The following TBXAS1 variants were observed in gnomAD, a reference collection of about 807,000 sequenced individuals.
TBXAS1 encodes thromboxane-A synthase.
TBXAS1 carries 48 observed loss-of-function variants against 60.7 expected under a neutral mutation model. That is an observed-to-expected ratio of 0.79 (90% CI 0.63 to 1.01). The LOEUF (loss-of-function observed/expected upper bound fraction) is 1.01. Ranked by LOEUF, TBXAS1 falls within the 50% of genes least tolerant of loss-of-function variation. TBXAS1 has a pLI of 0.00. For synonymous variants in TBXAS1, 287 were observed against 269.7 expected (o/e 1.06, Z -0.63); for missense variants, 685 against 686.3 (o/e 1.00, Z 0.02).
chr7:139,958,667 C>G (rs1584953533), intron 8 of TBXAS1, among the ~76,000 whole-genome samples: 1 of 152,340 alleles, frequency 6.6e-6, no homozygotes, highest in East Asian at 1.9e-4. Flanking sequence ...TGGCTTGATA[C>G]ACCGAGCGGC....
intron 9 of TBXAS1, among the ~76,000 whole-genome samples, chr7:139,973,928 G>A (rs761634200): frequency 6.6e-6 from 1 of 152,156 alleles, no homozygotes; most frequent in Non-Finnish European, 1.5e-5. Context: ...GGCCAGAGCT[G>A]TAGGGAGCAT....
chr7:139,896,729 TG>T lies in TBXAS1; in HGVS notation c.237-14495del, dbSNP rs1471872952. On this transcript the variant is annotated intron_variant, in intron 3 of 12. Coordinates refer to ENST00000448866, the MANE Select transcript of TBXAS1 (RefSeq NM_001061.7). The surrounding 1 kb of genome is among the most constrained non-coding windows in gnomAD (Gnocchi z 4.0). ...CTGGGGAGCGCTACGAAGACATTAC[TG>T]AGTCACTAAGGGCACCGTGAACTGA... Among the ~76,000 whole-genome samples, 16 of 152,318 alleles carry T rather than the reference TG, an allele frequency of 1.1e-4. No individual in the cohort carries two copies. The highest frequency in any genetic ancestry group is 1.0e-4 in the Non-Finnish European group (7 of 68,022).
At chr7:139,934,025 TC>T (rs1807546216) in intron 4 of TBXAS1, among the ~76,000 whole-genome samples, 1 of 152,160 alleles carries the variant, frequency 6.6e-6, no homozygotes, top group Non-Finnish European at 1.5e-5. Context: ...CCCACCGATG[TC>T]CCACCTTGCC....
chr7:139,924,096 A>G (rs1380301111), intron 4 of TBXAS1, among the ~76,000 whole-genome samples: 2 of 152,246 alleles, frequency 1.3e-5, no homozygotes, highest in African/African-American at 2.4e-5. Flanking sequence ...TAGTGCTGCA[A>G]TAAACATGGG....
intron 3 of TBXAS1, among the ~76,000 whole-genome samples, chr7:139,910,564 G>A (rs1805440477): frequency 6.6e-6 from 1 of 152,204 alleles, no homozygotes; most frequent in Admixed American, 6.5e-5. Flanking sequence ...TTGAACCCGG[G>A]AGGGGGAGGT....
At chr7:139,864,944 G>A (rs1362035359) in intron 1 of TBXAS1, among the ~76,000 whole-genome samples, 3 of 152,124 alleles carry the variant, frequency 2.0e-5, no homozygotes, top group East Asian at 1.9e-4. Context: ...TGGAAAGGAG[G>A]TACTCTAGGA....
chr7:139,931,481 G>A (rs1807324675), intron 4 of TBXAS1, among the ~76,000 whole-genome samples: 1 of 152,162 alleles, frequency 6.6e-6, no homozygotes, highest in South Asian at 2.1e-4. Context: ...AGACATACCT[G>A]AGACTGGCAA....
chr7:139,839,831 C>T (rs1021290384), intron 1 of TBXAS1, among the ~76,000 whole-genome samples: 2 of 151,516 alleles, frequency 1.3e-5, no homozygotes, highest in African/African-American at 4.9e-5. Context: ...ACTCGCACTC[C>T]AGCCTGGGTG....
chr7:140,019,984 T>TA, intron 12 of TBXAS1, 41 bp from the exon 13 acceptor site: 1 of 1,584,240 alleles, frequency 6.3e-7, no homozygotes, highest in East Asian at 2.2e-5. Flanking sequence ...AGTGAGATGC[T>TA]ACTATCTCTT....
intron 3 of TBXAS1, among the ~76,000 whole-genome samples, chr7:139,879,009 G>A (rs1802475379): frequency 6.6e-6 from 1 of 152,116 alleles, no homozygotes; most frequent in South Asian, 2.1e-4. Context: ...AACTATGATG[G>A]CAATGTATAT....
chr7:139,968,585 G>A (rs144461234), intron 9 of TBXAS1, among the ~76,000 whole-genome samples: 4,005 of 152,258 alleles, frequency 0.026, 80 homozygotes, highest in Middle Eastern at 0.041. Flanking sequence ...GTGAGCCACC[G>A]CGCCCGGCTT....
intron 1 of TBXAS1, among the ~76,000 whole-genome samples, chr7:139,831,337 T>C (rs902295042): frequency 3.9e-5 from 6 of 152,142 alleles, no homozygotes; most frequent in Non-Finnish European, 8.8e-5. Context: ...CCTTGGGCTT[T>C]CAACCCTTCT....
At chr7:139,956,733 T>G (rs1809896609) in intron 7 of TBXAS1, among the ~76,000 whole-genome samples, 1 of 152,250 alleles carries the variant, frequency 6.6e-6, no homozygotes, top group Non-Finnish European at 1.5e-5. Context: ...CCACCGATCT[T>G]GGAGGCAGCG....
chr7:139,799,340 C>T (rs1797656272), intron 4 of TBXAS1, among the ~76,000 whole-genome samples: 1 of 151,990 alleles, frequency 6.6e-6, no homozygotes, highest in Admixed American at 6.6e-5. Context: ...AGCAATTCTC[C>T]TGCCTCAGCC....
intron 5 of TBXAS1, among the ~76,000 whole-genome samples, chr7:139,939,877 A>G (rs934599974): frequency 1.7e-4 from 26 of 152,214 alleles, no homozygotes; most frequent in African/African-American, 6.0e-4. Flanking sequence ...TGCTGCTCAC[A>G]TGGAAAGAAA....
intron 9 of TBXAS1, among the ~76,000 whole-genome samples, chr7:139,981,867 G>T (rs1291481186): frequency 6.6e-6 from 1 of 152,186 alleles, no homozygotes; most frequent in Non-Finnish European, 1.5e-5. Context: ...TTATCAGAAA[G>T]ATGTCATTTT....
At chr7:139,883,390 C>A (rs1020071718) in intron 3 of TBXAS1, among the ~76,000 whole-genome samples, 1 of 152,104 alleles carries the variant, frequency 6.6e-6, no homozygotes, top group Admixed American at 6.5e-5. Context: ...CTTCTAACTT[C>A]TTCTTTCAGC....
intron 9 of TBXAS1, among the ~76,000 whole-genome samples, chr7:139,969,457 C>CTAAAA (rs1811034704): frequency 9.9e-6 from 1 of 101,038 alleles, no homozygotes; most frequent in Non-Finnish European, 1.9e-5. Flanking sequence ...TATGTGCTTA[C>CTAAAA]AAAAAAAAAA....
chr7:139,896,157 C>T lies in TBXAS1; in HGVS notation c.237-15068C>T, dbSNP rs1179917736. Among the ~76,000 whole-genome samples, 2 of 152,058 alleles carry T rather than the reference C, an allele frequency of 1.3e-5. No homozygotes were observed. Among genetic ancestry groups the T allele is most frequent in the African/African-American group, 2.4e-5 (1 of 41,384 alleles). Reference sequence around the variant, plus strand: ...GCTCTGCTAGCTTCTCAGGGATGCACGGACAGATAAGATGGGCTTTGTCTT... The same window carrying T: ...GCTCTGCTAGCTTCTCAGGGATGCATGGACAGATAAGATGGGCTTTGTCTT... On this transcript the variant is annotated intron_variant, in intron 3 of 12. Transcript: ENST00000448866. The surrounding 1 kb of genome is among the most constrained non-coding windows in gnomAD (Gnocchi z 4.0).
Sources: gnomAD v4.1 joint callset for allele counts (sites outside exome capture counted in the v4.1 genomes callset) on GRCh38, gnomAD v4.1.1 for gene constraint, Gnocchi (gnomAD v3.1) non-coding constraint, MANE v1.5 for transcripts, NCBI Gene and HGNC (gene_info 2026-07-23, HGNC 2026-07-21) for gene names.